PIK3C2B: variants seen among roughly 807,000 people sequenced by gnomAD.
PIK3C2B encodes phosphatidylinositol 4-phosphate 3-kinase C2 domain-containing subunit beta.
PIK3C2B carries 83 observed loss-of-function variants against 184.3 expected under a neutral mutation model. The ratio of observed to expected loss-of-function variants is 0.45; its 90% CI spans 0.38 to 0.54. PIK3C2B has a LOEUF of 0.54. Ranked by LOEUF, PIK3C2B falls within the 20% of genes least tolerant of loss-of-function variation. The probability of loss-of-function intolerance (pLI) is 0.00; values close to 1 mark genes in which losing one functional copy is unlikely to be tolerated. For synonymous variants in PIK3C2B, 779 were observed against 837.6 expected (o/e 0.93, Z 1.21); for missense variants, 1,736 against 2,113.5 (o/e 0.82, Z 3.50).
rs139160413 is a variant in PIK3C2B, at chr1:204,465,592, C to T, written c.934-273G>A. On this transcript the variant is annotated intron_variant, in intron 2 of 32. Transcript: ENST00000684373. ...CTTCAGGAGGGGACAGTCTGATAAG[C>T]GTGAGGCAGCCAGTAAGGCAATCCA... Among the ~76,000 whole-genome samples, 765 of 152,272 alleles carry T rather than the reference C, an allele frequency of 5.0e-3. 6 individuals are homozygous for T. The highest frequency in any genetic ancestry group is 0.017 in the African/African-American group (725 of 41,558).
At chr1:204,463,934 C>T (rs1445650232) in intron 5 of PIK3C2B, 78 bp downstream of exon 5, 1 of 1,495,852 alleles carries the variant, frequency 6.7e-7, no homozygotes, top group Non-Finnish European at 9.2e-7. Context: ...CCAGGCCGGT[C>T]CCAGCACCAA....
rs757736973 is a variant in PIK3C2B at position 204,464,611 on chromosome 1, AG to A, written c.1035-8del. On this transcript the variant is annotated splice_polypyrimidine_tract_variant and splice_region_variant and intron_variant, in intron 3 of 32. Transcript: ENST00000684373. ...GTCAGAGCCAGATCGAAGGCTGTAC[AG>A]GAAGAAAAAAAACCCTCACTGTGCC... 2.2e-4 allele frequency: 358 copies of A among 1,612,392 alleles called. 1 individual carries two copies. Among genetic ancestry groups the A allele is most frequent in the Non-Finnish European group, 3.0e-4 (349 of 1,179,448 alleles).
intron 13 of PIK3C2B, 122 bp downstream of exon 13, chr1:204,449,728 C>A (rs1182082398): frequency 3.4e-6 from 3 of 874,224 alleles, no homozygotes; most frequent in South Asian, 1.9e-5. Flanking sequence ...CTGGACTTCA[C>A]CAGTGAGCCC....
In PIK3C2B at chr1:204,464,438, T is replaced by G. The variant is rs1388350639; in HGVS notation, c.1189+12A>C. 5 of 1,610,634 alleles carry G rather than the reference T, an allele frequency of 3.1e-6. No homozygotes were observed. The highest frequency in any genetic ancestry group is 3.4e-6 in the Non-Finnish European group (4 of 1,177,710). On this transcript the variant is annotated intron_variant, in intron 4 of 32. Coordinates refer to ENST00000684373, the MANE Select transcript of PIK3C2B (RefSeq NM_001377334.1). ...AGGGATGCTCACATCCTCTCCCCCCTCACTAACTTACAGTTGCAGGTGAAA... is the reference window on the plus strand; with the variant it reads ...AGGGATGCTCACATCCTCTCCCCCCGCACTAACTTACAGTTGCAGGTGAAA...
intron 1 of PIK3C2B, among the ~76,000 whole-genome samples, chr1:204,477,283 A>G (rs1341766232): frequency 6.6e-6 from 1 of 152,204 alleles, no homozygotes; most frequent in African/African-American, 2.4e-5. Flanking sequence ...ATGCTTCAGT[A>G]GCCCCTAAAG....
At position 204,441,454 on chromosome 1, in the gene PIK3C2B, GAGTAA is replaced by G. The variant is rs1319078255; in HGVS notation, c.3249+12_3249+16del. The G allele has an allele frequency of 6.4e-7, 1 of 1,561,918 alleles. No homozygotes were observed. Among genetic ancestry groups the G allele is most frequent in the Non-Finnish European group, 8.8e-7 (1 of 1,133,102 alleles). On this transcript the variant is annotated intron_variant, in intron 21 of 32. Coordinates refer to ENST00000684373, the MANE Select transcript of PIK3C2B (RefSeq NM_001377334.1). ...TCTCCCACCCTGGTCCACCAGGCTT[GAGTAA>G]AGTATTCTCACCTTGAAGATGACAC... is the stretch of plus-strand genomic sequence containing the variant.
chr1:204,474,306 T>A (rs1656545546), intron 1 of PIK3C2B, among the ~76,000 whole-genome samples: 1 of 152,168 alleles, frequency 6.6e-6, no homozygotes, highest in African/African-American at 2.4e-5. Flanking sequence ...TGACTTTTTG[T>A]CCTCTCTGTT....
At position 204,460,470 on chromosome 1, in the gene PIK3C2B, C is replaced by T. The variant is rs374613535; in HGVS notation, c.1423-67G>A. ...ATCTCAGCTCAGCACTCCTACCCCC[C>T]TCCCACCTGATGTGTTCTATATTGT... On this transcript the variant is annotated intron_variant, in intron 6 of 32. Transcript: ENST00000684373. 143 of 1,538,814 alleles carry T rather than the reference C, an allele frequency of 9.3e-5. 2 individuals carry two copies. Among genetic ancestry groups the T allele is most frequent in the East Asian group, 8.3e-4 (37 of 44,510 alleles).
chr1:204,465,169 C>T (rs1231850732), intron 3 of PIK3C2B, 50 bp downstream of exon 3: 2 of 760,068 alleles, frequency 2.6e-6, no homozygotes, highest in Non-Finnish European at 4.6e-6. Flanking sequence ...TGGCCCCCCT[C>T]CCCATCCCCC....
rs537810218 is a variant in PIK3C2B at position 204,463,902 on chromosome 1, C to T, written c.1310+110G>A. On this transcript the variant is annotated intron_variant, in intron 5 of 32. Coordinates refer to ENST00000684373, the MANE Select transcript of PIK3C2B (RefSeq NM_001377334.1). ...TGTGCCCAGAAAGCAGGAGTCTTGA[C>T]TGTGGGATTGGGGCGGAGCTGCCAG... 17 of 1,110,902 alleles carry T rather than the reference C, an allele frequency of 1.5e-5. No homozygotes were observed. In the African/African-American group the frequency reaches 1.7e-4, roughly 11 times the overall value. 68.8% of individuals were successfully genotyped at this position (1,110,902 alleles called of 1,614,324 possible).
chr1:204,493,412 C>A (rs1202081267), intron 1 of PIK3C2B, among the ~76,000 whole-genome samples: 1 of 151,900 alleles, frequency 6.6e-6, no homozygotes, highest in African/African-American at 2.4e-5. Flanking sequence ...GACAATACAG[C>A]GATTCCATCC....
Position 204,469,831 on chromosome 1 carries a change from G to A in PIK3C2B, c.-29C>T. ...GAGGATGGGGGACACAGGCAACAAA[G>A]TCTCTACTTCCTGCCAACGTCAGTT... On this transcript the variant is annotated 5_prime_UTR_variant, in exon 2 of 33. Coordinates refer to ENST00000684373, the MANE Select transcript of PIK3C2B (RefSeq NM_001377334.1). The A allele has an allele frequency of 6.6e-7, 1 of 1,510,046 alleles. No individual in the cohort carries two copies. Among genetic ancestry groups the A allele is most frequent in the Non-Finnish European group, 9.2e-7 (1 of 1,085,852 alleles). 93.5% of individuals were successfully genotyped at this position (1,510,046 alleles called of 1,614,324 possible).
rs912573360 is a variant in PIK3C2B at position 204,465,072 on chromosome 1, CTTG to C, written c.1034+144_1034+146del. Reference sequence around the variant, plus strand: ...TAAGATTTCAAAAACCCTGCAGACACTTGTTGTAGGAAGCATTTTCATAGCTAT... The same window carrying C: ...TAAGATTTCAAAAACCCTGCAGACACTTGTAGGAAGCATTTTCATAGCTAT... On this transcript the variant is annotated intron_variant, in intron 3 of 32. Transcript: ENST00000684373. 9 of 648,646 alleles carry C rather than the reference CTTG, an allele frequency of 1.4e-5. No homozygotes were observed. In the Admixed American group the frequency reaches 1.6e-4, roughly 12 times the overall value. 40.2% of individuals were successfully genotyped at this position (648,646 alleles called of 1,614,324 possible). A position where few individuals can be genotyped will look rare whatever the true frequency, so the allele number is the denominator to read the frequency against.
chr1:204,442,430 C>T, intron 20 of PIK3C2B, 96 bp downstream of exon 20: 1 of 770,048 alleles, frequency 1.3e-6, no homozygotes, highest in East Asian at 2.7e-5. Context: ...GACGCCCAGA[C>T]AACTCAGCTC....
At chr1:204,430,906 G>A (rs9660554) in intron 28 of PIK3C2B, among the ~76,000 whole-genome samples, 37,228 of 150,962 alleles carry the variant, frequency 0.25, 5,133 homozygotes, top group East Asian at 0.56. Flanking sequence ...TGCCCACCTA[G>A]GCCTCCCAAA....
chr1:204,474,187 C>T (rs1656529073), intron 1 of PIK3C2B, among the ~76,000 whole-genome samples: 1 of 152,158 alleles, frequency 6.6e-6, no homozygotes, highest in African/African-American at 2.4e-5. Context: ...GACAGAGTTT[C>T]ATCATGTTGG....
chr1:204,457,916 A>G (rs1344573304), intron 8 of PIK3C2B, 42 bp from the exon 9 acceptor site: 1 of 1,597,232 alleles, frequency 6.3e-7, no homozygotes, highest in Admixed American at 1.7e-5. Context: ...CTCTGCTCTC[A>G]TGCTCTTGGT....
chr1:204,425,669 T>TA lies in PIK3C2B; in HGVS notation c.4659_4660insT (p.Thr1554TyrfsTer2). 6.2e-7 allele frequency: 1 copy of TA among 1,614,088 alleles called. No homozygotes were observed. The highest frequency in any genetic ancestry group is 8.5e-7 in the Non-Finnish European group (1 of 1,179,970). Reference sequence around the variant, plus strand: ...CGGGCCACTTTGGTTTTCCTCTTAGTGGTTTTCTGAGGGTCAGGAAGGAGG... The same window carrying TA: ...CGGGCCACTTTGGTTTTCCTCTTAGTAGGTTTTCTGAGGGTCAGGAAGGAGG... On this transcript the variant is annotated frameshift_variant, in exon 32 of 33. Coordinates refer to ENST00000684373, the MANE Select transcript of PIK3C2B (RefSeq NM_001377334.1). LOFTEE classifies it high-confidence loss of function.
intron 12 of PIK3C2B, among the ~76,000 whole-genome samples, chr1:204,453,470 CCT>C (rs1294672873): frequency 6.6e-6 from 1 of 152,172 alleles, no homozygotes; most frequent in East Asian, 1.9e-4. Flanking sequence ...GCCATAACTG[CCT>C]CTGAGTGAAA....
Sources: allele counts gnomAD v4.1 joint callset (sites outside exome capture counted in the v4.1 genomes callset), GRCh38; gene constraint gnomAD v4.1.1; transcripts MANE v1.5; gene names NCBI Gene and HGNC (gene_info 2026-07-23, HGNC 2026-07-21).